Variants in NRXN3 observed in about 807,000 individuals in gnomAD.
NRXN3 encodes neurexin III.
In NRXN3, 32 loss-of-function variants were observed where a neutral mutation model predicts 137.6. That is an observed-to-expected ratio of 0.23 (90% confidence interval 0.18 to 0.31). NRXN3 has a LOEUF of 0.31. Ranked by LOEUF, NRXN3 falls within the 10% of genes least tolerant of loss-of-function variation. The pLI, the probability that NRXN3 is intolerant of heterozygous loss-of-function variation, is 1.00. For missense variants in NRXN3, 1,574 were observed against 2,062.5 expected, an observed-to-expected ratio of 0.76 and a Z score of 4.59; for synonymous variants, 798 against 784.5, an observed-to-expected ratio of 1.02 and a Z score of -0.29.
At chr14:79,031,166 G>T (rs2099607686) in intron 15 of NRXN3, among the ~76,000 whole-genome samples, 1 of 152,020 alleles carries the variant, frequency 6.6e-6, no homozygotes, top group Non-Finnish European at 1.5e-5. Flanking sequence ...CCTAAGGGGA[G>T]GTCAGGGAAT....
rs78547636 is a variant in NRXN3, at chr14:79,831,091, T to A, written c.4093+25901T>A. On this transcript the variant is annotated intron_variant, in intron 20 of 20. Transcript: ENST00000335750. ...AGAGATAGAGACCACCAGGAAATCA[T>A]AAGGAAAAGAAAAATGAAGGAAATA... Among the ~76,000 whole-genome samples the A allele has an allele frequency of 2.2e-3, 340 of 152,104 alleles. 12 individuals carry two copies. The East Asian group carries it at 0.045, about 20-fold the overall frequency.
At chr14:79,066,969 G>T (rs1045049716) in intron 15 of NRXN3, among the ~76,000 whole-genome samples, 1 of 151,802 alleles carries the variant, frequency 6.6e-6, no homozygotes, top group African/African-American at 2.4e-5. Context: ...TTTTCCTCTT[G>T]CCTGGTTGCC....
rs1446344953 is a variant in NRXN3 at position 79,548,761 on chromosome 14, AC to A, written c.3444+81360del. 9.1e-4 allele frequency among the ~76,000 whole-genome samples: 132 copies of A among 145,150 alleles called. No homozygotes were observed. In the East Asian group the frequency reaches 0.014, roughly 16 times the overall value. ...CATTTAAAGATTAAAAAAAAAAAAA[AC>A]AAAAAAAATCATGTTCCCTAAACAC... On this transcript the variant is annotated intron_variant, in intron 16 of 20. Transcript: ENST00000335750.
In NRXN3 at chr14:79,139,579, C is replaced by T. The variant is rs990829131; in HGVS notation, c.3262+151438C>T. Among the ~76,000 whole-genome samples the T allele has an allele frequency of 2.6e-5, 4 of 152,076 alleles. 1 individual carries two copies. Among genetic ancestry groups the T allele is most frequent in the Non-Finnish European group, 5.9e-5 (4 of 68,006 alleles). ...AGATATCTAATGAATATCTAGAAAA[C>T]ATCTCTGACTTGCTGCGAGTGTGTC... is the stretch of plus-strand genomic sequence containing the variant. On this transcript the variant is annotated intron_variant, in intron 15 of 20. Transcript: ENST00000335750.
At chr14:79,388,822 A>C (rs1599586434) in intron 15 of NRXN3, among the ~76,000 whole-genome samples, 2 of 152,234 alleles carry the variant, frequency 1.3e-5, no homozygotes, top group South Asian at 4.1e-4. Context: ...ATGTTGTAGG[A>C]GGGACCCAGT....
intron 16 of NRXN3, among the ~76,000 whole-genome samples, chr14:79,639,371 C>G (rs553619724): frequency 6.6e-6 from 1 of 152,160 alleles, no homozygotes; most frequent in East Asian, 1.9e-4. Flanking sequence ...TCCTCCTACC[C>G]TCTACCCTCA....
chr14:79,160,505 A>G (rs1239406608), intron 15 of NRXN3, among the ~76,000 whole-genome samples: 1 of 151,946 alleles, frequency 6.6e-6, no homozygotes. Context: ...GAAATCTGTC[A>G]CCATAAAGCA....
rs1318037852 is a variant in NRXN3, at chr14:79,861,397, G to A, written c.4149G>A (p.Lys1383=). 6.5e-7 allele frequency: 1 copy of A among 1,536,222 alleles called. No individual in the cohort carries two copies. Among genetic ancestry groups the A allele is most frequent in the Non-Finnish European group, 8.7e-7 (1 of 1,146,946 alleles). The change falls in exon 21 of 21, where the codon AAG becomes AAA. Residue 1383 remains lysine, a synonymous_variant. Coordinates refer to ENST00000335750, the MANE Select transcript of NRXN3 (RefSeq NM_001330195.2). The surrounding 1 kb of genome is among the most constrained non-coding windows in gnomAD (Gnocchi z 5.4). ...FEGGYKAHAP[K]WESKDFRPNK... ...GTGGCTACAAAGCACATGCGCCCAA[G>A]TGGGAATCCAAGGACTTTAGACCTA...
intron 10 of NRXN3, among the ~76,000 whole-genome samples, chr14:78,930,102 A>T (rs1205931674): frequency 6.6e-6 from 1 of 152,132 alleles, no homozygotes; most frequent in Non-Finnish European, 1.5e-5. Context: ...CTTTTTTTAT[A>T]CCTGTTTAAA....
intron 15 of NRXN3, among the ~76,000 whole-genome samples, chr14:79,416,931 G>T (rs571110283): frequency 6.6e-6 from 1 of 152,250 alleles, no homozygotes; most frequent in Non-Finnish European, 1.5e-5. Flanking sequence ...TTAGAAAAAA[G>T]TATGGATAAC....
intron 15 of NRXN3, among the ~76,000 whole-genome samples, chr14:79,441,132 G>A (rs2153569129): frequency 6.6e-6 from 1 of 152,212 alleles, no homozygotes; most frequent in South Asian, 2.1e-4. Context: ...ATTTTCCCTT[G>A]TTAGGAAAAT....
chr14:79,234,027 G>A (rs1323120325), intron 15 of NRXN3, among the ~76,000 whole-genome samples: 1 of 151,408 alleles, frequency 6.6e-6, no homozygotes, highest in African/African-American at 2.4e-5. Context: ...TATTATAAAG[G>A]AAATAGCACT....
intron 11 of NRXN3, among the ~76,000 whole-genome samples, chr14:78,960,149 T>C (rs1464530429): frequency 6.6e-6 from 1 of 152,172 alleles, no homozygotes. Flanking sequence ...ATGAAACGCT[T>C]TCATTTTCAG....
rs1377351724 is a variant in NRXN3 at position 79,655,159 on chromosome 14, CTAA to C, written c.3445-8617_3445-8615del. Among the ~76,000 whole-genome samples the C allele has an allele frequency of 2.0e-5, 3 of 152,286 alleles. No homozygotes were observed. The East Asian group carries it at 5.8e-4, about 29-fold the overall frequency. On this transcript the variant is annotated intron_variant, in intron 16 of 20. Coordinates refer to ENST00000335750, the MANE Select transcript of NRXN3 (RefSeq NM_001330195.2). Reference sequence around the variant, plus strand: ...ACTAATTTAGAGTTGGGACTATCAACTAATGTTATTTTGCCAGAGGAGATGAAT... The same window carrying C: ...ACTAATTTAGAGTTGGGACTATCAACTGTTATTTTGCCAGAGGAGATGAAT...
At chr14:79,352,376 ATCT>A (rs2093253156) in intron 15 of NRXN3, among the ~76,000 whole-genome samples, 1 of 152,100 alleles carries the variant, frequency 6.6e-6, no homozygotes, top group African/African-American at 2.4e-5. Context: ...AAACCCTAGG[ATCT>A]TCTTCTATTA....
chr14:79,527,849 C>T (rs1039089975), intron 16 of NRXN3, among the ~76,000 whole-genome samples: 4 of 128,588 alleles, frequency 3.1e-5, no homozygotes, highest in Non-Finnish European at 3.1e-5. Flanking sequence ...CCAGCCTGGG[C>T]GACAGAATGA....
intron 15 of NRXN3, among the ~76,000 whole-genome samples, chr14:79,278,366 CCA>C (rs1370627490): frequency 6.6e-6 from 1 of 152,164 alleles, no homozygotes; most frequent in Non-Finnish European, 1.5e-5. Flanking sequence ...GCCGCCTAGT[CCA>C]CAGTGTTACC....
intron 15 of NRXN3, among the ~76,000 whole-genome samples, chr14:79,033,897 G>A (rs1212112621): frequency 6.6e-6 from 1 of 152,066 alleles, no homozygotes; most frequent in African/African-American, 2.4e-5. Flanking sequence ...GCCATTCAGG[G>A]ATGAGAATTC....
intron 4 of NRXN3, among the ~76,000 whole-genome samples, chr14:78,491,593 C>T (rs984907258): frequency 1.2e-4 from 18 of 152,082 alleles, no homozygotes; most frequent in African/African-American, 3.4e-4. Context: ...ACTACATATA[C>T]GCAAATATAC....
Sources: gnomAD v4.1 joint callset for allele counts (sites outside exome capture counted in the v4.1 genomes callset) on GRCh38, gnomAD v4.1.1 for gene constraint, Gnocchi (gnomAD v3.1) non-coding constraint, MANE v1.5 for transcripts, NCBI Gene and HGNC (gene_info 2026-07-23, HGNC 2026-07-21) for gene names.